BBS9: variants seen among roughly 807,000 people sequenced by gnomAD.
BBS9 encodes Bardet-Biedl syndrome 9.
A neutral mutation model predicts 117.7 loss-of-function variants in BBS9; 89 were observed. That is an observed-to-expected ratio of 0.76 (90% CI 0.64 to 0.90). BBS9 has a LOEUF of 0.90. BBS9 is among the 40% of genes least tolerant of loss of function. The pLI is 0.00. For missense variants in BBS9, 982 were observed against 1,042.2 expected, an observed-to-expected ratio of 0.94 and a Z score of 0.80; for synonymous variants, 379 against 370.9, an observed-to-expected ratio of 1.02 and a Z score of -0.25.
chr7:33,624,930 G>C (rs1376120753), intron 21 of BBS9, among the ~76,000 whole-genome samples: 1 of 152,166 alleles, frequency 6.6e-6, no homozygotes, highest in Non-Finnish European at 1.5e-5. Flanking sequence ...ATCATAAACA[G>C]TAATCACCCT....
At chr7:33,353,269 C>T (rs950903046) in intron 15 of BBS9, among the ~76,000 whole-genome samples, 10 of 152,134 alleles carry the variant, frequency 6.6e-5, no homozygotes, top group Admixed American at 6.6e-4. Context: ...TTTCTACATC[C>T]TCCAAGAGAT....
intron 18 of BBS9, among the ~76,000 whole-genome samples, chr7:33,386,934 T>G (rs1247895214): frequency 6.6e-6 from 1 of 152,164 alleles, no homozygotes. Context: ...TCTAGAAATA[T>G]CCTATGCAGT....
At chr7:33,345,858 C>T (rs1817498946) in intron 12 of BBS9, among the ~76,000 whole-genome samples, 1 of 152,062 alleles carries the variant, frequency 6.6e-6, no homozygotes, top group Non-Finnish European at 1.5e-5. Flanking sequence ...GATCTTGTGC[C>T]TTAACTAGAT....
chr7:33,149,117 A>T lies in BBS9; in HGVS notation c.112+2753A>T, dbSNP rs188026141. Reference sequence around the variant, plus strand: ...AAGAAGGGAGGATGATGATTTGGAGACCATGGAGGGTCAAGGGAAGTGGGA... The same window carrying T: ...AAGAAGGGAGGATGATGATTTGGAGTCCATGGAGGGTCAAGGGAAGTGGGA... On this transcript the variant is annotated intron_variant, in intron 2 of 22. Transcript: ENST00000242067. Among the ~76,000 whole-genome samples, 169 of 152,226 alleles carry T rather than the reference A, an allele frequency of 1.1e-3. 1 individual carries two copies. Among genetic ancestry groups the T allele is most frequent in the Non-Finnish European group, 1.6e-3 (109 of 68,002 alleles).
Position 33,387,938 on chromosome 7 carries a change from T to A in BBS9, c.1963-54T>A, listed in dbSNP as rs139580648. ...ATTATCATTGTGTGTATTTTTTCTT[T>A]AAAGATGTTTTTTGTGTCCATTTAA... On this transcript the variant is annotated intron_variant, in intron 18 of 22. Transcript: ENST00000242067. 7,961 of 1,573,412 alleles carry A rather than the reference T, an allele frequency of 5.1e-3. 159 individuals are homozygous for A. The highest frequency in any genetic ancestry group is 0.044 in the South Asian group (4,000 of 90,014).
chr7:33,262,847 T>G (rs1798180550), intron 6 of BBS9, among the ~76,000 whole-genome samples: 2 of 152,194 alleles, frequency 1.3e-5, no homozygotes, highest in South Asian at 4.1e-4. Flanking sequence ...AGCTTTCTCT[T>G]CCTGAACCTA....
intron 5 of BBS9, among the ~76,000 whole-genome samples, chr7:33,249,066 C>T (rs940252079): frequency 9.9e-5 from 15 of 152,256 alleles, no homozygotes; most frequent in African/African-American, 2.6e-4. Context: ...ATGTTTGCTA[C>T]ACCACTTACT....
At chr7:33,232,126 A>G (rs1309652518) in intron 5 of BBS9, among the ~76,000 whole-genome samples, 2 of 152,176 alleles carry the variant, frequency 1.3e-5, no homozygotes, top group Non-Finnish European at 2.9e-5. Flanking sequence ...TGAACAAACC[A>G]TGAGAAGTCA....
At chr7:33,147,137 A>G (rs1304247973) in intron 2 of BBS9, among the ~76,000 whole-genome samples, 4 of 152,236 alleles carry the variant, frequency 2.6e-5, no homozygotes, top group African/African-American at 9.6e-5. Flanking sequence ...TAATACTAAA[A>G]CCTACATTCT....
chr7:33,364,368 C>T (rs1396268532), intron 16 of BBS9, among the ~76,000 whole-genome samples: 1 of 152,042 alleles, frequency 6.6e-6, no homozygotes. Context: ...AATTTTTACT[C>T]CATCCCCCCA....
At chr7:33,226,442 T>C (rs1340414017) in intron 5 of BBS9, among the ~76,000 whole-genome samples, 1 of 152,170 alleles carries the variant, frequency 6.6e-6, no homozygotes, top group Non-Finnish European at 1.5e-5. Flanking sequence ...CTTTCAATGT[T>C]ATATAGAACA....
In BBS9 at chr7:33,465,336, A is replaced by G. The variant is rs951801553; in HGVS notation, c.2116-40127A>G. On this transcript the variant is annotated intron_variant, in intron 19 of 22. Coordinates refer to ENST00000242067, the MANE Select transcript of BBS9 (RefSeq NM_198428.3). ...TTTTATGATCGTGTAAAATTTCCCA[A>G]TGCAGATCTCTTCTTGGGGTGGAGT... Among the ~76,000 whole-genome samples, 11 of 151,576 alleles carry G rather than the reference A, an allele frequency of 7.3e-5. No individual in the cohort carries two copies. In the East Asian group the frequency reaches 1.5e-3, roughly 21 times the overall value.
chr7:33,395,921 T>A (rs1415386300), intron 19 of BBS9, among the ~76,000 whole-genome samples: 1 of 152,124 alleles, frequency 6.6e-6, no homozygotes, highest in Non-Finnish European at 1.5e-5. Context: ...GGAGCTTTCA[T>A]GGATGTGGTG....
At chr7:33,609,918 T>C (rs1864771758), downstream of BBS9, among the ~76,000 whole-genome samples, 3 of 152,086 alleles carry the variant, frequency 2.0e-5, no homozygotes, top group African/African-American at 7.2e-5. Context: ...CCAAGTTGAA[T>C]GTCTCCCCAA....
At chr7:33,257,180 A>T (rs1363067379) in intron 5 of BBS9, 56 bp from the exon 6 acceptor site, 2 of 1,234,672 alleles carry the variant, frequency 1.6e-6, no homozygotes, top group Admixed American at 4.5e-5. Flanking sequence ...TGATTAATAA[A>T]AATATTATAT....
In BBS9 at chr7:33,486,382, G is replaced by C. The variant is rs527806842; in HGVS notation, c.2116-19081G>C. Among the ~76,000 whole-genome samples, 3 of 152,232 alleles carry C rather than the reference G, an allele frequency of 2.0e-5. 1 individual carries two copies. In the South Asian group the frequency reaches 6.2e-4, roughly 32 times the overall value. On this transcript the variant is annotated intron_variant, in intron 19 of 22. Transcript: ENST00000242067. ...GAAGCCAGCAGTCAGACAATCTCCT[G>C]TTCAGTTGTATCACAGTTGTGCTTC...
intron 21 of BBS9, among the ~76,000 whole-genome samples, chr7:33,586,390 AAAT>A (rs1860895404): frequency 1.3e-5 from 2 of 150,564 alleles, no homozygotes; most frequent in Admixed American, 1.3e-4. Context: ...AAAAAAAAAT[AAAT>A]AACAGATCTG....
At chr7:33,597,872 C>CAAAAA (rs61054119) in intron 21 of BBS9, among the ~76,000 whole-genome samples, 1 of 119,388 alleles carries the variant, frequency 8.4e-6, no homozygotes, top group Non-Finnish European at 1.8e-5. Flanking sequence ...GCATGTATAC[C>CAAAAA]AAAAAAAAAA....
chr7:33,542,790 T>TAC lies in BBS9; in HGVS notation c.2521+8662_2521+8663dup, dbSNP rs368494839. On this transcript the variant is annotated intron_variant, in intron 21 of 22. Coordinates refer to ENST00000242067, the MANE Select transcript of BBS9 (RefSeq NM_198428.3). The stretch of plus-strand genomic sequence containing the variant: ...ATATGTGAGTATATATATATATATG[T>TAC]ACACACACACACACACACACACACA... 6.4e-3 allele frequency among the ~76,000 whole-genome samples: 864 copies of TAC among 134,326 alleles called. 9 individuals are homozygous for TAC. The highest frequency in any genetic ancestry group is 7.9e-3 in the Non-Finnish European group (492 of 62,162). The allele number at this position is 134,326 out of a possible 152,430, so 88.1% of individuals were successfully genotyped here.
Sources: allele counts gnomAD v4.1 joint callset (sites outside exome capture counted in the v4.1 genomes callset), GRCh38; gene constraint gnomAD v4.1.1; transcripts MANE v1.5; gene names NCBI Gene and HGNC (gene_info 2026-07-23, HGNC 2026-07-21).